N4BP2: variants seen among roughly 807,000 people sequenced by gnomAD.
The protein encoded by N4BP2 is NEDD4-binding protein 2.
A neutral mutation model predicts 152.8 loss-of-function variants in N4BP2; 91 were observed. The observed-to-expected ratio is 0.60, with a 90% CI of 0.50 to 0.71. The LOEUF is 0.71. Among genes scored for constraint, N4BP2 ranks in the 30% least tolerant of loss-of-function variants. The probability of loss-of-function intolerance (pLI) is 0.00; values close to 1 mark genes in which losing one functional copy is unlikely to be tolerated. For missense variants in N4BP2, 1,923 were observed against 2,059.1 expected (o/e 0.93, Z 1.28); for synonymous variants, 646 against 705.3 (o/e 0.92, Z 1.33).
At position 40,152,903 on chromosome 4, in the gene N4BP2, G is replaced by T; in HGVS notation, c.5267G>T (p.Arg1756Met). 4 of 1,613,856 alleles carry T rather than the reference G, an allele frequency of 2.5e-6. No individual in the cohort carries two copies. Among genetic ancestry groups the T allele is most frequent in the Non-Finnish European group, 3.4e-6 (4 of 1,179,852 alleles). The change falls in exon 17 of 18, where the codon AGG (arginine) becomes ATG (methionine). Residue 1756 changes from arginine (R) to methionine (M), a missense_variant and splice_region_variant. By Grantham distance (91) the Arg-to-Met change is moderately conservative (BLOSUM62 -1). Transcript: ENST00000261435. The part of the protein sequence containing the change: ...VIKYLISHSF[R>M]FSEIKPGCLK... ...AAGTACCTCATAAGCCATAGCTTCA[G>T]GTGAGTGTAGATTTCTGTTATTAAT...
At chr4:40,066,246 C>T (rs1282622545) in intron 1 of N4BP2, among the ~76,000 whole-genome samples, 1 of 150,674 alleles carries the variant, frequency 6.6e-6, no homozygotes, top group Non-Finnish European at 1.5e-5. Flanking sequence ...TTCAGGGGAC[C>T]CAGAGTTAAT....
At chr4:40,102,020 ATC>A in intron 3 of N4BP2, 53 bp from the exon 4 acceptor site, 1 of 1,085,586 alleles carries the variant, frequency 9.2e-7, no homozygotes, top group Non-Finnish European at 1.3e-6. Context: ...AAATTATTAA[ATC>A]TGTTTTCTCT....
chr4:40,107,040 C>T lies in N4BP2; in HGVS notation c.1498+16C>T. 6.2e-7 allele frequency: 1 copy of T among 1,609,612 alleles called. No individual in the cohort carries two copies. The highest frequency in any genetic ancestry group is 8.5e-7 in the Non-Finnish European group (1 of 1,178,270). ...CAGAATCGTGGTAAGAACAGATAAT[C>T]AGATTCTGGGTAACGTTATGAGTAA... On this transcript the variant is annotated intron_variant, in intron 5 of 17. Transcript: ENST00000261435.
intron 1 of N4BP2, among the ~76,000 whole-genome samples, chr4:40,066,888 C>G (rs1048435956): frequency 6.6e-6 from 1 of 152,068 alleles, no homozygotes; most frequent in Non-Finnish European, 1.5e-5. Context: ...TTGGCAACCA[C>G]GATTCTACTT....
the N4BP2 span, among the ~76,000 whole-genome samples, chr4:40,187,150 C>T: frequency 6.6e-6 from 1 of 152,220 alleles, no homozygotes; most frequent in Non-Finnish European, 1.5e-5. Context: ...CCTCCCAAAG[C>T]TTTAGCCAGA....
chr4:40,132,127 A>T lies in N4BP2; in HGVS notation c.4646+208A>T, dbSNP rs142620956. On this transcript the variant is annotated intron_variant, in intron 13 of 17. Transcript: ENST00000261435. ...CCTCTATATACTATGTTTTTTTCCTATAAATAAGAATTGATTTACAAATTA... is the reference window on the plus strand; with the variant it reads ...CCTCTATATACTATGTTTTTTTCCTTTAAATAAGAATTGATTTACAAATTA... 2.0e-4 allele frequency among the ~76,000 whole-genome samples: 31 copies of T among 152,246 alleles called. No individual in the cohort carries two copies. In the East Asian group the frequency reaches 5.8e-3, roughly 28 times the overall value.
intron 5 of N4BP2, among the ~76,000 whole-genome samples, chr4:40,108,841 A>G (rs903932526): frequency 8.7e-5 from 13 of 150,266 alleles, no homozygotes; most frequent in Admixed American, 3.3e-4. Flanking sequence ...TTTTGGAGAC[A>G]GAGTCCTGCT....
At chr4:40,093,914 T>C (rs1211833522) in intron 2 of N4BP2, among the ~76,000 whole-genome samples, 1 of 152,090 alleles carries the variant, frequency 6.6e-6, no homozygotes, top group Non-Finnish European at 1.5e-5. Flanking sequence ...TTTGTACTTT[T>C]AGTAGAGATG....
intron 14 of N4BP2, chr4:40,142,141 G>GGAGGGA (rs1258154821): frequency 8.0e-4 from 130 of 162,198 alleles, no homozygotes; most frequent in African/African-American, 2.8e-3. Context: ...AGGGGGAGGG[G>GGAGGGA]GAGGGAGAGG....
the N4BP2 span, among the ~76,000 whole-genome samples, chr4:40,168,544 A>T: frequency 6.6e-6 from 1 of 151,482 alleles, no homozygotes; most frequent in African/African-American, 2.4e-5. Flanking sequence ...AAATCAGAAG[A>T]TTGTTATAAA....
intron 2 of N4BP2, among the ~76,000 whole-genome samples, chr4:40,095,511 ATTAAT>A (rs1187264866): frequency 6.6e-6 from 1 of 152,190 alleles, no homozygotes; most frequent in African/African-American, 2.4e-5. Flanking sequence ...TTTAATTGTA[ATTAAT>A]TTAAATTTAA....
At chr4:40,104,211 C>T (rs370506590) in intron 4 of N4BP2, among the ~76,000 whole-genome samples, 257 of 151,670 alleles carry the variant, frequency 1.7e-3, no homozygotes, top group African/African-American at 5.8e-3. Context: ...CCCGGCCTCC[C>T]AAAGTGCTGG....
chr4:40,121,299 A>G lies in N4BP2; in HGVS notation c.3188A>G (p.Gln1063Arg), dbSNP rs971804563. 1.9e-6 allele frequency: 3 copies of G among 1,613,958 alleles called. No homozygotes were observed. Among genetic ancestry groups the G allele is most frequent in the African/African-American group, 1.3e-5 (1 of 75,052 alleles). Residue 1063 changes from glutamine to arginine, a missense_variant, in exon 9 of 18, where the codon CAA (glutamine) becomes CGA (arginine). Physicochemically the swap from Gln to Arg is conservative, Grantham distance 43 (BLOSUM62 1). Coordinates refer to ENST00000261435, the MANE Select transcript of N4BP2 (RefSeq NM_018177.6). ...VFNINTKSDV[Q>R]EAIPYRVMYD... Reference sequence around the variant, plus strand: ...AATATTAACACAAAATCAGACGTTCAAGAAGCAATTCCATATAGAGTAATG... The same window carrying G: ...AATATTAACACAAAATCAGACGTTCGAGAAGCAATTCCATATAGAGTAATG...
Position 40,144,736 on chromosome 4 carries a change from C to T in N4BP2, c.5079C>T (p.Leu1693=), listed in dbSNP as rs1239133288. ...TGCTGCCACAGAATGTTTTAGACCT[C>T]CATGGGCTGCATGTGGATGAAGCTC... ...ASLLPQNVLD[L]HGLHVDEALE... The change falls in exon 16 of 18, where the codon CTC becomes CTT. Residue 1693 remains leucine (L), a synonymous_variant. Transcript: ENST00000261435. 1.2e-6 allele frequency: 2 copies of T among 1,613,900 alleles called. No individual in the cohort carries two copies. Among genetic ancestry groups the T allele is most frequent in the African/African-American group, 2.7e-5 (2 of 74,926 alleles).
intron 2 of N4BP2, among the ~76,000 whole-genome samples, chr4:40,074,687 G>T (rs1039676856): frequency 2.0e-5 from 3 of 152,126 alleles, no homozygotes; most frequent in Admixed American, 2.0e-4. Context: ...TCTATTTAAT[G>T]AGTGTTTTCG....
intron 14 of N4BP2, among the ~76,000 whole-genome samples, chr4:40,140,156 A>G (rs2110028524): frequency 6.6e-6 from 1 of 152,062 alleles, no homozygotes; most frequent in Middle Eastern, 3.4e-3. Context: ...TAATAAGACC[A>G]CTCAGGGGTA....
chr4:40,067,694 T>C (rs1219729407), intron 1 of N4BP2, among the ~76,000 whole-genome samples: 1 of 152,118 alleles, frequency 6.6e-6, no homozygotes, highest in Non-Finnish European at 1.5e-5. Context: ...CCAACATTTT[T>C]ATTTTTTATT....
Position 40,097,921 on chromosome 4 carries a change from C to T in N4BP2, c.229+352C>T, listed in dbSNP as rs116667537. Among the ~76,000 whole-genome samples the T allele has an allele frequency of 4.0e-3, 603 of 152,196 alleles. 2 individuals carry two copies. The highest frequency in any genetic ancestry group is 0.014 in the African/African-American group (564 of 41,524). The stretch of plus-strand genomic sequence containing the variant: ...CTCCTATGCATTGTAGGTTTAGCAG[C>T]GTCCCTGGCCTGTACACGCTAGATG... On this transcript the variant is annotated intron_variant, in intron 3 of 17. Coordinates refer to ENST00000261435, the MANE Select transcript of N4BP2 (RefSeq NM_018177.6).
In N4BP2 at chr4:40,121,232, G is replaced by C. The variant is rs1245447704; in HGVS notation, c.3121G>C (p.Val1041Leu). 1 of 1,613,318 alleles carries C rather than the reference G, an allele frequency of 6.2e-7. No individual in the cohort carries two copies. ...AATTAGCATTTCAGATTCTATCAAA[G>C]TATTAACAGGAAGATTAGATGGATT... Reference protein sequence around the residue: ...NKISISDSIKVLTGRLDGFKP... With the variant: ...NKISISDSIKLLTGRLDGFKP... The change falls in exon 9 of 18, where the codon GTA (valine) becomes CTA (leucine). Residue 1041 changes from valine to leucine, a missense_variant. Val to Leu is a conservative substitution (Grantham distance 32, BLOSUM62 1). Transcript: ENST00000261435.
Sources: gnomAD v4.1 joint callset for allele counts (sites outside exome capture counted in the v4.1 genomes callset) on GRCh38, gnomAD v4.1.1 for gene constraint, MANE v1.5 for transcripts, NCBI Gene and HGNC (gene_info 2026-07-23, HGNC 2026-07-21) for gene names.